PPFIA4: variants seen among roughly 807,000 people sequenced by gnomAD.
PPFIA4 encodes PPFI scaffold protein A4.
Under a neutral mutation model 145.7 loss-of-function variants are expected in PPFIA4, and 98 were observed. The observed-to-expected ratio is 0.67, with a 90% confidence interval of 0.57 to 0.80. The LOEUF is 0.80. PPFIA4 is among the 30% of genes least tolerant of loss of function. PPFIA4 has a pLI of 0.00. For synonymous variants in PPFIA4, 628 were observed against 649.6 expected (o/e 0.97, Z 0.51); for missense variants, 1,457 against 1,632.7 (o/e 0.89, Z 1.85).
rs3215063 is a variant in PPFIA4, at chr1:203,052,045, GC to G, written c.1620+179del. ...GGCCATCGTCAGCTGCAACAGCTGT[GC>G]CCCCCCCCCCGCTTGCCTTGGCCTC... On this transcript the variant is annotated intron_variant, in intron 14 of 29. Coordinates refer to ENST00000295706, the MANE Select transcript of PPFIA4 (RefSeq NM_001304331.2). 7.5e-3 allele frequency among the ~76,000 whole-genome samples: 767 copies of G among 102,912 alleles called. 33 individuals are homozygous for G. Among genetic ancestry groups the G allele is most frequent in the Middle Eastern group, 0.026 (5 of 194 alleles). 67.5% of individuals were successfully genotyped at this position (102,912 alleles called of 152,430 possible).
rs1195895689 is a variant in PPFIA4 at position 203,076,248 on chromosome 1, G to GC, written c.3575-92dup. On this transcript the variant is annotated intron_variant, in intron 29 of 29. Coordinates refer to ENST00000295706, the MANE Select transcript of PPFIA4 (RefSeq NM_001304331.2). The stretch of plus-strand genomic sequence containing the variant: ...GGGCGCTTTGCGCTTGGAGCACGCT[G>GC]CGTTGCCGCTGTCGCACACATCCTA... 2.2e-6 allele frequency: 3 copies of GC among 1,389,630 alleles called. No homozygotes were observed. The East Asian group carries it at 6.8e-5, about 32-fold the overall frequency. The allele number at this position is 1,389,630 out of a possible 1,614,324, so 86.1% of individuals were successfully genotyped here.
chr1:203,056,677 A>G (rs1660979678), intron 18 of PPFIA4, 107 bp from the exon 19 acceptor site: 1 of 1,289,630 alleles, frequency 7.8e-7, no homozygotes, highest in East Asian at 2.5e-5. Context: ...CCCCCATCCC[A>G]GTTCTGACTT....
chr1:203,045,366 A>G lies in PPFIA4; in HGVS notation c.667-2A>G. On this transcript the variant is annotated splice_acceptor_variant, in intron 6 of 29. Coordinates refer to ENST00000295706, the MANE Select transcript of PPFIA4 (RefSeq NM_001304331.2). LOFTEE classifies it high-confidence loss of function. ...ACAGAGCTACTGTCCCTATCCCTGG[A>G]GGAGGATACGGGCCGGGTAGAGGAG... The G allele has an allele frequency of 6.3e-7, 1 of 1,587,192 alleles. No homozygotes were observed. Among genetic ancestry groups the G allele is most frequent in the Non-Finnish European group, 8.6e-7 (1 of 1,167,292 alleles).
At chr1:203,045,299 C>A in intron 6 of PPFIA4, 69 bp from the exon 7 acceptor site, 1 of 1,388,230 alleles carries the variant, frequency 7.2e-7, no homozygotes, top group South Asian at 1.5e-5. Flanking sequence ...CCTTCCACCC[C>A]TGGGATAGGG....
At position 203,063,560 on chromosome 1, in the gene PPFIA4, G is replaced by A. The variant is rs76970690; in HGVS notation, c.2875-268G>A. ...GAAGGATTTCATATTAGCTGCTGCC[G>A]GGATAGCTACTTCTGTTCATTAGTG... is the stretch of plus-strand genomic sequence containing the variant. On this transcript the variant is annotated intron_variant, in intron 24 of 29. Transcript: ENST00000295706. 2.0e-3 allele frequency: 733 copies of A among 368,460 alleles called. 4 individuals carry two copies. The highest frequency in any genetic ancestry group is 0.014 in the African/African-American group (652 of 46,822). The allele number at this position is 368,460 out of a possible 1,614,324, so 22.8% of individuals were successfully genotyped here.
chr1:203,048,667 C>T lies in PPFIA4; in HGVS notation c.1309C>T (p.Arg437Cys), dbSNP rs747318122. The T allele has an allele frequency of 3.7e-5, 59 of 1,609,020 alleles. No individual in the cohort carries two copies. Among genetic ancestry groups the T allele is most frequent in the Non-Finnish European group, 4.5e-5 (53 of 1,178,586 alleles). The part of the protein sequence containing the change: ...VDRLLSESNE[R>C]LQLHLKERMA... ...CCGGCTGCTCAGCGAGTCCAACGAG[C>T]GTCTGCAGCTCCACCTGAAGGAGCG... Residue 437 changes from arginine (R) to cysteine (C), a missense_variant, in exon 11 of 30, where the codon CGT becomes TGT. Physicochemically the swap from Arg to Cys is radical, Grantham distance 180 (BLOSUM62 -3). Around this residue, in one of 3 missense-constraint regions of PPFIA4, gnomAD observed 848 missense variants for 1,046.7 expected, o/e 0.81. Coordinates refer to ENST00000295706, the MANE Select transcript of PPFIA4 (RefSeq NM_001304331.2). The surrounding 1 kb of genome is among the most constrained non-coding windows in gnomAD (Gnocchi z 5.8).
chr1:203,060,525 C>A lies in PPFIA4; in HGVS notation c.2784+108C>A. The stretch of plus-strand genomic sequence containing the variant: ...ATGGCAGCATTGAGCCCTGCCCCTT[C>A]CTTCCCATCCTCACAAAGGGCTCTC... On this transcript the variant is annotated intron_variant, in intron 22 of 29. Coordinates refer to ENST00000295706, the MANE Select transcript of PPFIA4 (RefSeq NM_001304331.2). The surrounding 1 kb of genome is among the most constrained non-coding windows in gnomAD (Gnocchi z 4.8). The A allele has an allele frequency of 8.8e-7, 1 of 1,130,920 alleles. No homozygotes were observed. Among genetic ancestry groups the A allele is most frequent in the Non-Finnish European group, 1.3e-6 (1 of 777,192 alleles). The allele number at this position is 1,130,920 out of a possible 1,614,324, so 70.1% of individuals were successfully genotyped here.
rs1306746229 is a variant in PPFIA4 at position 203,055,663 on chromosome 1, C to T, written c.2061C>T (p.Val687=). Residue 687 remains valine (V), a synonymous_variant, in exon 16 of 30, where the codon GTC becomes GTT. Coordinates refer to ENST00000295706, the MANE Select transcript of PPFIA4 (RefSeq NM_001304331.2). The surrounding 1 kb of genome is among the most constrained non-coding windows in gnomAD (Gnocchi z 4.8). The part of the protein sequence containing the change: ...SAAQDLDRMG[V]MTLPSDLRKH... Reference sequence around the variant, plus strand: ...CCCAGGACCTGGACCGAATGGGGGTCATGACCCTGGTGAGAGGCAGCTGAG... The same window carrying T: ...CCCAGGACCTGGACCGAATGGGGGTTATGACCCTGGTGAGAGGCAGCTGAG... 5.6e-6 allele frequency: 9 copies of T among 1,613,820 alleles called. No homozygotes were observed. Among genetic ancestry groups the T allele is most frequent in the Non-Finnish European group, 6.8e-6 (8 of 1,179,866 alleles).
Position 203,041,378 on chromosome 1 carries a change from G to T in PPFIA4, c.235-2019G>T, listed in dbSNP as rs78097769. 2.4e-3 allele frequency among the ~76,000 whole-genome samples: 364 copies of T among 152,332 alleles called. 1 individual carries two copies. Among genetic ancestry groups the T allele is most frequent in the African/African-American group, 8.4e-3 (351 of 41,574 alleles). ...AGGCTGAGGTGGATGGACTGCTTGA[G>T]GTCAGAAGTTCAAGATCAGCCTGGG... On this transcript the variant is annotated intron_variant, in intron 2 of 29. Transcript: ENST00000295706.
intron 25 of PPFIA4, 112 bp downstream of exon 25, chr1:203,064,115 G>A (rs761513285): frequency 8.8e-7 from 1 of 1,138,574 alleles, no homozygotes; most frequent in African/African-American, 1.5e-5. Context: ...TCTGTTCTGA[G>A]TGGCAACAGG....
At chr1:203,069,657 G>A (rs1289868761) in intron 27 of PPFIA4, among the ~76,000 whole-genome samples, 1 of 152,154 alleles carries the variant, frequency 6.6e-6, no homozygotes, top group Non-Finnish European at 1.5e-5. Flanking sequence ...TTGAATGAGG[G>A]TAGGGCTGTG....
chr1:203,076,292 C>A, intron 29 of PPFIA4, 49 bp from the exon 30 acceptor site: 1 of 1,565,036 alleles, frequency 6.4e-7, no homozygotes, highest in Non-Finnish European at 8.7e-7. Flanking sequence ...CTCGCAGATG[C>A]CCTGCAACCT....
intron 25 of PPFIA4, among the ~76,000 whole-genome samples, chr1:203,066,213 G>A (rs1259026725): frequency 1.3e-5 from 2 of 152,210 alleles, no homozygotes; most frequent in East Asian, 3.8e-4. Context: ...CTGTGTGTGC[G>A]CATGCCCCTT....
intron 1 of PPFIA4, among the ~76,000 whole-genome samples, chr1:203,031,895 G>A (rs1015336236): frequency 3.9e-5 from 6 of 152,114 alleles, no homozygotes; most frequent in South Asian, 2.1e-4. Flanking sequence ...GTCTGTATTC[G>A]GTGGTGCAGA....
At position 203,068,262 on chromosome 1, in the gene PPFIA4, G is replaced by A. The variant is rs1269366249; in HGVS notation, c.3149-191G>A. On this transcript the variant is annotated intron_variant, in intron 26 of 29. Coordinates refer to ENST00000295706, the MANE Select transcript of PPFIA4 (RefSeq NM_001304331.2). This position sits in a 1 kb window ranked among gnomAD's most constrained non-coding sequence, Gnocchi z 4.7. ...TAAACTGGCAGGGATGGAGTGAGTG[G>A]GGGGTTGGTTCCCCAGGCACCCAGG... Among the ~76,000 whole-genome samples the A allele has an allele frequency of 6.6e-6, 1 of 152,170 alleles. No individual in the cohort carries two copies.
chr1:203,052,837 C>T (rs909519916), intron 14 of PPFIA4, among the ~76,000 whole-genome samples: 8 of 152,188 alleles, frequency 5.3e-5, no homozygotes, highest in African/African-American at 1.4e-4. Flanking sequence ...GAGAAGCTGC[C>T]GCCTCTCAGG....
intron 27 of PPFIA4, among the ~76,000 whole-genome samples, chr1:203,070,489 G>T (rs1205572765): frequency 6.0e-5 from 9 of 151,074 alleles, no homozygotes; most frequent in Non-Finnish European, 1.0e-4. Flanking sequence ...GGCTGAGGCG[G>T]GAGTTTTGCT....
chr1:203,044,171 T>C lies in PPFIA4; in HGVS notation c.501+76T>C. On this transcript the variant is annotated intron_variant, in intron 4 of 29. Transcript: ENST00000295706. ...TCCCATGTATCCCTTCTCTGAGATT[T>C]CCACATCCGGTATTTAGGGAGCACT... is the stretch of plus-strand genomic sequence containing the variant. 3 of 1,456,298 alleles carry C rather than the reference T, an allele frequency of 2.1e-6. No homozygotes were observed. The East Asian group carries it at 7.0e-5, about 34-fold the overall frequency. The allele number at this position is 1,456,298 out of a possible 1,614,324, so 90.2% of individuals were successfully genotyped here.
In PPFIA4 at chr1:203,048,785, G is replaced by A. The variant is rs1660276489; in HGVS notation, c.1356+71G>A. On this transcript the variant is annotated intron_variant, in intron 11 of 29. Coordinates refer to ENST00000295706, the MANE Select transcript of PPFIA4 (RefSeq NM_001304331.2). This position sits in a 1 kb window ranked among gnomAD's most constrained non-coding sequence, Gnocchi z 5.8. ...GTGGGGCGGGGGGAGGCGGGACTGT[G>A]ATGGGCGCAGGCGGGGTCTCAATGG... The A allele has an allele frequency of 6.4e-7, 1 of 1,554,380 alleles. No homozygotes were observed. The highest frequency in any genetic ancestry group is 1.2e-5 in the South Asian group (1 of 83,936).
Sources: allele counts gnomAD v4.1 joint callset (sites outside exome capture counted in the v4.1 genomes callset), GRCh38; gene constraint gnomAD v4.1.1; regional missense constraint gnomAD v4.1.1; non-coding constraint Gnocchi (gnomAD v3.1); transcripts MANE v1.5; gene names NCBI Gene and HGNC (gene_info 2026-07-23, HGNC 2026-07-21).